The following DCLK1 variants were observed in gnomAD, a reference collection of about 807,000 sequenced individuals.
The protein encoded by DCLK1 is doublecortin like kinase 1, also known as serine/threonine-protein kinase DCLK1.
In DCLK1, 16 loss-of-function variants were observed where a neutral mutation model predicts 86.2. That is an observed-to-expected ratio of 0.19 (90% confidence interval 0.13 to 0.28). DCLK1 has a LOEUF of 0.28. DCLK1 is among the 10% of genes least tolerant of loss of function. The pLI is 1.00. For missense variants in DCLK1, 590 were observed against 940.2 expected (o/e 0.63, Z 4.87); for synonymous variants, 369 against 370.5 (o/e 1.00, Z 0.05).
Position 35,864,362 on chromosome 13 carries a change from G to A in DCLK1, c.940+6862C>T, listed in dbSNP as rs374007917. Among the ~76,000 whole-genome samples, 372 of 93,168 alleles carry A rather than the reference G, an allele frequency of 4.0e-3. 88 individuals are homozygous for A. Among genetic ancestry groups the A allele is most frequent in the African/African-American group, 0.015 (345 of 23,416 alleles). 61.1% of individuals were successfully genotyped at this position (93,168 alleles called of 152,430 possible). On this transcript the variant is annotated intron_variant, in intron 5 of 16. Transcript: ENST00000360631. ...GGGCGGATCACGAGGTCAGGAGATCGAGACCATCCCGGCTAAAACGGTGAA... is the reference window on the plus strand; with the variant it reads ...GGGCGGATCACGAGGTCAGGAGATCAAGACCATCCCGGCTAAAACGGTGAA...
At chr13:35,791,371 T>C (rs919154521) in intron 16 of DCLK1, among the ~76,000 whole-genome samples, 3 of 152,034 alleles carry the variant, frequency 2.0e-5, no homozygotes, top group African/African-American at 2.4e-5. Context: ...TTTGTAAGTA[T>C]ATTACCAGTT....
intron 4 of DCLK1, among the ~76,000 whole-genome samples, chr13:35,911,625 C>A (rs1371608549): frequency 6.6e-6 from 1 of 152,172 alleles, no homozygotes; most frequent in Non-Finnish European, 1.5e-5. Context: ...GCCTCTGCCA[C>A]CCAGAACATT....
intron 4 of DCLK1, among the ~76,000 whole-genome samples, chr13:35,910,344 T>G (rs904898183): frequency 6.6e-6 from 1 of 152,148 alleles, no homozygotes; most frequent in African/African-American, 2.4e-5. Flanking sequence ...TGAAAGTGCA[T>G]AGAAGACAAA....
rs1229445992 is a variant in DCLK1, at chr13:35,828,293, T to C, written c.1244A>G (p.Glu415Gly). The change falls in exon 9 of 17, where the codon GAG (glutamate) becomes GGG (glycine). Residue 415 changes from glutamate (E) to glycine (G), a missense_variant. This residue lies in a region of DCLK1 where 108 missense variants were observed against 195.7 expected (regional missense o/e 0.55). Coordinates refer to ENST00000360631, the MANE Select transcript of DCLK1 (RefSeq NM_001330071.2). ...TTTCTTGATAATTTTCAGAGCATAC[T>C]CTCTAGCAGTCGATCTGCGAAGAGA... ...KECVERSTAR[E>G]YALKIIKKSK... The C allele has an allele frequency of 8.7e-6, 14 of 1,607,536 alleles. No homozygotes were observed. The highest frequency in any genetic ancestry group is 1.7e-4 in the Middle Eastern group (1 of 6,010).
intron 3 of DCLK1, among the ~76,000 whole-genome samples, chr13:35,987,316 T>TTAGGAGGCTGAGGCAG (rs1879970108): frequency 6.6e-6 from 1 of 152,116 alleles, no homozygotes; most frequent in East Asian, 1.9e-4. Context: ...TCCCAGCTAC[T>TTAGGAGGCTGAGGCAG]TAGGAGGCTG....
intron 3 of DCLK1, among the ~76,000 whole-genome samples, chr13:36,098,149 A>G (rs73165309): frequency 0.16 from 25,009 of 152,212 alleles, 2,289 homozygotes; most frequent in Non-Finnish European, 0.21. Flanking sequence ...CCTGGGCTGG[A>G]TTCAACATAC....
chr13:36,084,681 A>G (rs1884534015), intron 3 of DCLK1, among the ~76,000 whole-genome samples: 1 of 152,190 alleles, frequency 6.6e-6, no homozygotes, highest in Admixed American at 6.5e-5. Flanking sequence ...CTAAATCTCT[A>G]TTAGAAAGAC....
At chr13:35,849,681 A>T in intron 6 of DCLK1, 1 of 984,482 alleles carries the variant, frequency 1.0e-6, no homozygotes, top group Non-Finnish European at 1.2e-6. Flanking sequence ...CATAGACTTA[A>T]TTGGTTTAAC....
chr13:36,053,423 T>A (rs900205925), intron 3 of DCLK1, among the ~76,000 whole-genome samples: 2 of 152,060 alleles, frequency 1.3e-5, no homozygotes, highest in Admixed American at 6.6e-5. Flanking sequence ...GAAATAGCCA[T>A]GGAGAAAGGA....
In DCLK1 at chr13:35,769,810, T is replaced by C. The variant is rs2086297923; in HGVS notation, c.*4725A>G. On this transcript the variant is annotated 3_prime_UTR_variant, in exon 17 of 17. Coordinates refer to ENST00000360631, the MANE Select transcript of DCLK1 (RefSeq NM_001330071.2). ...AATTTCATTGAACAGAAACAAATGC[T>C]GAAGAAATTTACAGGTATGATTTAA... The C allele has an allele frequency of 6.6e-6, 1 of 152,210 alleles. No homozygotes were observed. The highest frequency in any genetic ancestry group is 2.1e-4 in the South Asian group (1 of 4,832). The allele number at this position is 152,210 out of a possible 1,614,324, so 9.4% of individuals were successfully genotyped here. A position where few individuals can be genotyped will look rare whatever the true frequency, so the allele number is the denominator to read the frequency against.
chr13:35,777,234 T>C (rs1402733879), intron 16 of DCLK1, among the ~76,000 whole-genome samples: 2 of 152,184 alleles, frequency 1.3e-5, no homozygotes, highest in East Asian at 3.9e-4. Flanking sequence ...TGGGCATGTG[T>C]CATGAGTGGT....
intron 3 of DCLK1, among the ~76,000 whole-genome samples, chr13:36,057,957 TG>T (rs1005676379): frequency 1.3e-5 from 2 of 152,088 alleles, no homozygotes; most frequent in Non-Finnish European, 2.9e-5. Context: ...TTATATATTT[TG>T]GGGGGGATAA....
In DCLK1 at chr13:36,066,073, G is replaced by A. The variant is rs144192288; in HGVS notation, c.723+45796C>T. On this transcript the variant is annotated intron_variant, in intron 3 of 16. Transcript: ENST00000360631. The stretch of plus-strand genomic sequence containing the variant: ...ATATCAGAATAACAACAACTTCATC[G>A]TGTCTAATTTAAATAGCATTTTATA... Among the ~76,000 whole-genome samples, 823 of 152,090 alleles carry A rather than the reference G, an allele frequency of 5.4e-3. 9 individuals are homozygous for A. Among genetic ancestry groups the A allele is most frequent in the African/African-American group, 0.019 (768 of 41,478 alleles).
chr13:35,883,245 C>T (rs532152076), intron 4 of DCLK1, among the ~76,000 whole-genome samples: 1 of 152,130 alleles, frequency 6.6e-6, no homozygotes, highest in Non-Finnish European at 1.5e-5. Flanking sequence ...ATGTGGGAGG[C>T]GGGGCCTAAT....
intron 4 of DCLK1, among the ~76,000 whole-genome samples, chr13:35,872,723 C>T (rs1872356130): frequency 6.8e-6 from 1 of 146,172 alleles, no homozygotes; most frequent in Non-Finnish European, 1.5e-5. Flanking sequence ...TTGTTCTTTC[C>T]CCTTCAATAT....
At chr13:35,819,126 C>A (rs1291337945) in intron 11 of DCLK1, among the ~76,000 whole-genome samples, 1 of 152,096 alleles carries the variant, frequency 6.6e-6, no homozygotes, top group Non-Finnish European at 1.5e-5. Flanking sequence ...CCAGGCATGA[C>A]AACCAGTAAA....
At chr13:35,903,344 C>T (rs928210098) in intron 4 of DCLK1, among the ~76,000 whole-genome samples, 10 of 152,290 alleles carry the variant, frequency 6.6e-5, no homozygotes, top group African/African-American at 2.4e-4. Flanking sequence ...CTTACAGAAA[C>T]CTTGCTAGAC....
chr13:35,956,268 T>C (rs981064874), intron 3 of DCLK1, among the ~76,000 whole-genome samples: 2 of 152,188 alleles, frequency 1.3e-5, no homozygotes, highest in East Asian at 1.9e-4. Context: ...AATTGGCTTA[T>C]CTGAGCCATC....
intron 3 of DCLK1, among the ~76,000 whole-genome samples, chr13:36,090,750 G>A (rs1021750927): frequency 1.3e-5 from 2 of 151,932 alleles, no homozygotes; most frequent in Admixed American, 6.6e-5. Flanking sequence ...ACTGGATACG[G>A]GGGCGAATGC....
Sources: gnomAD v4.1 joint callset for allele counts (sites outside exome capture counted in the v4.1 genomes callset) on GRCh38, gnomAD v4.1.1 for gene constraint, gnomAD v4.1.1 regional missense constraint, MANE v1.5 for transcripts, NCBI Gene and HGNC (gene_info 2026-07-23, HGNC 2026-07-21) for gene names.